Variants in CAMK1G observed in about 807,000 individuals in gnomAD.
The protein encoded by CAMK1G is calcium/calmodulin dependent protein kinase IG.
Under a neutral mutation model 54.8 loss-of-function variants are expected in CAMK1G, and 27 were observed. The observed-to-expected ratio is 0.49, with a 90% CI of 0.36 to 0.68. The LOEUF (loss-of-function observed/expected upper bound fraction) is 0.68, where lower values mean the gene tolerates loss of function less well. Among genes scored for constraint, CAMK1G ranks in the 30% least tolerant of loss-of-function variants. The probability of loss-of-function intolerance (pLI) is 0.00; values close to 1 mark genes in which losing one functional copy is unlikely to be tolerated. For synonymous variants in CAMK1G, 238 were observed against 224.9 expected, an observed-to-expected ratio of 1.06 and a Z score of -0.52; for missense variants, 512 against 591.0, an observed-to-expected ratio of 0.87 and a Z score of 1.39.
At chr1:209,610,634 T>C (rs1665758887) in intron 9 of CAMK1G, among the ~76,000 whole-genome samples, 1 of 152,182 alleles carries the variant, frequency 6.6e-6, no homozygotes, top group African/African-American at 2.4e-5. Context: ...TTGCCCTGTA[T>C]GTAGCATCTT....
chr1:209,599,082 A>C (rs1422190813), intron 2 of CAMK1G, among the ~76,000 whole-genome samples: 1 of 152,216 alleles, frequency 6.6e-6, no homozygotes, highest in Non-Finnish European at 1.5e-5. Flanking sequence ...CTTCTTCACA[A>C]GGCGGCAGGA....
chr1:209,587,455 G>T (rs974610608), intron 1 of CAMK1G, among the ~76,000 whole-genome samples: 1 of 152,248 alleles, frequency 6.6e-6, no homozygotes, highest in African/African-American at 2.4e-5. Flanking sequence ...GGAAATGCCA[G>T]ATTAAACAGC....
At chr1:209,599,869 C>T (rs1665484401) in intron 2 of CAMK1G, 114 bp from the exon 3 acceptor site, 1 of 1,269,438 alleles carries the variant, frequency 7.9e-7, no homozygotes, top group African/African-American at 1.5e-5. Flanking sequence ...CAGTATATGC[C>T]TTTGTGGTCA....
rs760902604 is a variant in CAMK1G, at chr1:209,612,885, C to T, written c.*10C>T. The T allele has an allele frequency of 1.3e-6, 2 of 1,580,012 alleles. No homozygotes were observed. Among genetic ancestry groups the T allele is most frequent in the Non-Finnish European group, 1.7e-6 (2 of 1,149,504 alleles). On this transcript the variant is annotated 3_prime_UTR_variant, in exon 12 of 13. Transcript: ENST00000361322. Reference sequence around the variant, plus strand: ...CTGTCTCATTATGTGATTCCTGGAGCCTGTGCCTATGTCACTGCAATTTTC... The same window carrying T: ...CTGTCTCATTATGTGATTCCTGGAGTCTGTGCCTATGTCACTGCAATTTTC...
chr1:209,589,020 A>G (rs574379067), intron 1 of CAMK1G, among the ~76,000 whole-genome samples: 1 of 152,282 alleles, frequency 6.6e-6, no homozygotes, highest in African/African-American at 2.4e-5. Context: ...AAAAAATACA[A>G]TTGAGCCGAA....
intron 10 of CAMK1G, 21 bp downstream of exon 10, chr1:209,611,573 G>A (rs760445225): frequency 6.2e-7 from 1 of 1,607,048 alleles, no homozygotes; most frequent in Non-Finnish European, 8.5e-7. Context: ...CTCTCCAGGG[G>A]GTGGGAAAGC....
In CAMK1G at chr1:209,612,101, G is replaced by A; in HGVS notation, c.1225G>A (p.Gly409Arg). ...ISSSLVPMHQ[G>R]SLAAGPCGCC... ...CAGCAGCCTGGTGCCCATGCATCAG[G>A]GGTCCCTGGCCGCCGGGCCCTGTGG... is the stretch of plus-strand genomic sequence containing the variant. Residue 409 changes from glycine to arginine, a missense_variant, in exon 11 of 13, where the codon GGG becomes AGG. This residue lies in a region of CAMK1G where 315 missense variants were observed against 330.5 expected (regional missense o/e 0.95). Transcript: ENST00000361322. The A allele has an allele frequency of 1.9e-6, 3 of 1,614,188 alleles. No homozygotes were observed. The highest frequency in any genetic ancestry group is 2.5e-6 in the Non-Finnish European group (3 of 1,179,984).
At chr1:209,605,816 C>T (rs2102392409) in intron 5 of CAMK1G, 142 bp downstream of exon 5, 2 of 775,658 alleles carry the variant, frequency 2.6e-6, no homozygotes, top group Middle Eastern at 3.9e-4. Context: ...ATTCCTTAAA[C>T]AGACCTTGGA....
chr1:209,601,420 A>G (rs1050728456), intron 3 of CAMK1G, among the ~76,000 whole-genome samples: 2 of 152,220 alleles, frequency 1.3e-5, no homozygotes, highest in African/African-American at 2.4e-5. Context: ...GAGAACAAAG[A>G]GGATATGTAG....
At position 209,603,233 on chromosome 1, in the gene CAMK1G, G is replaced by A; in HGVS notation, c.241G>A (p.Val81Met). Residue 81 changes from valine to methionine, a missense_variant, in exon 4 of 13, where the codon GTG becomes ATG. Coordinates refer to ENST00000361322, the MANE Select transcript of CAMK1G (RefSeq NM_020439.3). ...VLKKIKHENI[V>M]TLEDIYESTT... ...TCCCAGGATCAAGCATGAAAACATTGTGACCCTGGAGGACATCTATGAGAG... is the reference window on the plus strand; with the variant it reads ...TCCCAGGATCAAGCATGAAAACATTATGACCCTGGAGGACATCTATGAGAG... 6.2e-7 allele frequency: 1 copy of A among 1,614,122 alleles called. No individual in the cohort carries two copies. Among genetic ancestry groups the A allele is most frequent in the Non-Finnish European group, 8.5e-7 (1 of 1,180,012 alleles).
Position 209,610,445 on chromosome 1 carries a change from T to C in CAMK1G, c.827+516T>C, listed in dbSNP as rs1001395190. On this transcript the variant is annotated intron_variant, in intron 9 of 12. Transcript: ENST00000361322. ...CCCAGCAAGCCTGGATTCCTTTGTC[T>C]TTCCAGTTTCCCTAATATGGCCTGA... 2.6e-5 allele frequency among the ~76,000 whole-genome samples: 4 copies of C among 152,228 alleles called. No individual in the cohort carries two copies. The East Asian group carries it at 5.8e-4, about 22-fold the overall frequency.
chr1:209,612,556 G>A (rs1450003337), intron 11 of CAMK1G, among the ~76,000 whole-genome samples: 4 of 152,236 alleles, frequency 2.6e-5, no homozygotes, highest in African/African-American at 9.6e-5. Context: ...GTATTTGCAA[G>A]TGGTGAGCAT....
intron 9 of CAMK1G, 102 bp downstream of exon 9, chr1:209,610,031 C>A: frequency 1.1e-6 from 1 of 937,030 alleles, no homozygotes; most frequent in Non-Finnish European, 1.7e-6. Flanking sequence ...TTGTCCTGAT[C>A]CATTTAATGA....
chr1:209,590,628 A>G (rs713074), intron 1 of CAMK1G, among the ~76,000 whole-genome samples: 99,919 of 152,060 alleles, frequency 0.66, 33,116 homozygotes, highest in African/African-American at 0.72. Context: ...TGGAAGCTCC[A>G]GAAGAGGGAG....
intron 2 of CAMK1G, among the ~76,000 whole-genome samples, chr1:209,596,292 G>T (rs1158917655): frequency 6.6e-6 from 1 of 152,284 alleles, no homozygotes; most frequent in East Asian, 1.9e-4. Flanking sequence ...GGGGGTTTTG[G>T]CAGGAGAAAG....
intron 2 of CAMK1G, among the ~76,000 whole-genome samples, chr1:209,596,115 T>C (rs1281142758): frequency 6.6e-6 from 1 of 152,222 alleles, no homozygotes; most frequent in Non-Finnish European, 1.5e-5. Flanking sequence ...CCTCGGGCAA[T>C]GACGGCTGCC....
chr1:209,611,736 G>A, intron 10 of CAMK1G, 56 bp from the exon 11 acceptor site: 1 of 1,578,366 alleles, frequency 6.3e-7, no homozygotes, highest in Non-Finnish European at 8.6e-7. Flanking sequence ...GAAAGTTTAA[G>A]CTCCAAGGCC....
chr1:209,599,772 T>C (rs1281772266), intron 2 of CAMK1G, among the ~76,000 whole-genome samples: 1 of 152,254 alleles, frequency 6.6e-6, no homozygotes, highest in Non-Finnish European at 1.5e-5. Context: ...AGCTTTTTTA[T>C]GACATTGGCA....
chr1:209,607,659 G>A (rs1571785207), intron 6 of CAMK1G, 199 bp from the exon 7 acceptor site: 1 of 525,462 alleles, frequency 1.9e-6, no homozygotes, highest in Non-Finnish European at 3.4e-6. Flanking sequence ...TAATGCAGAA[G>A]TCACAGTCTC....
Sources: gnomAD v4.1 joint callset for allele counts (sites outside exome capture counted in the v4.1 genomes callset) on GRCh38, gnomAD v4.1.1 for gene constraint, gnomAD v4.1.1 regional missense constraint, MANE v1.5 for transcripts, NCBI Gene and HGNC (gene_info 2026-07-23, HGNC 2026-07-21) for gene names.